The following ATP10B variants were observed in gnomAD, a reference collection of about 807,000 sequenced individuals.
ATP10B encodes phospholipid-transporting ATPase VB.
A neutral mutation model predicts 141.2 loss-of-function variants in ATP10B; 122 were observed. That is an observed-to-expected ratio of 0.86 (90% CI 0.75 to 1.00). The LOEUF (loss-of-function observed/expected upper bound fraction) is 1.00, where lower values mean the gene tolerates loss of function less well. Ranked by LOEUF, ATP10B falls within the 50% of genes least tolerant of loss-of-function variation. ATP10B has a pLI of 0.00. For synonymous variants in ATP10B, 685 were observed against 692.0 expected (o/e 0.99, Z 0.16); for missense variants, 1,876 against 1,825.3 (o/e 1.03, Z -0.51).
At chr5:160,650,149 T>C (rs1015613294) in intron 7 of ATP10B, among the ~76,000 whole-genome samples, 1,859 of 146,830 alleles carry the variant, frequency 0.013, 55 homozygotes, top group African/African-American at 0.046. Flanking sequence ...CACACACACA[T>C]ACATATATAT....
At chr5:160,828,590 C>G (rs1199607263) in intron 1 of ATP10B, among the ~76,000 whole-genome samples, 1 of 151,478 alleles carries the variant, frequency 6.6e-6, no homozygotes, top group Non-Finnish European at 1.5e-5. Flanking sequence ...GAAATAGGAA[C>G]ACTTTTACAC....
chr5:160,784,004 T>C (rs1770951222), intron 2 of ATP10B, among the ~76,000 whole-genome samples: 1 of 152,088 alleles, frequency 6.6e-6, no homozygotes, highest in African/African-American at 2.4e-5. Context: ...GGAACTGAAA[T>C]TGAGGAAAAT....
intron 7 of ATP10B, among the ~76,000 whole-genome samples, chr5:160,652,699 T>C (rs1760846511): frequency 7.8e-6 from 1 of 128,564 alleles, no homozygotes; most frequent in Non-Finnish European, 1.6e-5. Flanking sequence ...GTATAAATAA[T>C]ATATACATAT....
chr5:160,922,488 G>A, the ATP10B span, among the ~76,000 whole-genome samples: 6 of 152,188 alleles, frequency 3.9e-5, no homozygotes, highest in South Asian at 2.1e-4. Context: ...AGGCAGGTCC[G>A]AGGACACTCA....
At chr5:160,811,309 A>G (rs1773136630) in intron 1 of ATP10B, among the ~76,000 whole-genome samples, 1 of 152,140 alleles carries the variant, frequency 6.6e-6, no homozygotes, top group Non-Finnish European at 1.5e-5. Context: ...GGGGAAAGTA[A>G]TAGGACTTTA....
chr5:160,888,943 A>G, the ATP10B span, among the ~76,000 whole-genome samples: 3 of 152,230 alleles, frequency 2.0e-5, no homozygotes, highest in Non-Finnish European at 4.4e-5. Context: ...TCAATGCAGT[A>G]ACCTTTTGTC....
chr5:160,668,068 T>TA (rs1265359367), intron 7 of ATP10B, among the ~76,000 whole-genome samples: 1 of 151,908 alleles, frequency 6.6e-6, no homozygotes, highest in Non-Finnish European at 1.5e-5. Flanking sequence ...CTGTCTCTAC[T>TA]AAAAATACAA....
rs775089589 is a variant in ATP10B at position 160,569,624 on chromosome 5, G to T, written c.3810C>A (p.Leu1270=). The T allele has an allele frequency of 2.5e-6, 4 of 1,610,640 alleles. No homozygotes were observed. The highest frequency in any genetic ancestry group is 1.1e-5 in the South Asian group (1 of 90,362). The change falls in exon 25 of 26, where the codon CTC becomes CTA. Residue 1270 remains leucine (L), a synonymous_variant. Transcript: ENST00000327245. ...AGATGACGCAGGTGGCATTGTACAG[G>T]AGGGATACCAGAAAGTACATCAGGA... The part of the protein sequence containing the change: ...GSFLMYFLVS[L]LYNATCVICN...
intron 1 of ATP10B, among the ~76,000 whole-genome samples, chr5:160,829,599 G>T (rs974927580): frequency 1.3e-5 from 2 of 152,040 alleles, no homozygotes; most frequent in Admixed American, 6.6e-5. Context: ...CCATGAGTAC[G>T]TAACATTTTT....
chr5:160,664,526 A>T (rs1054521127), intron 7 of ATP10B, among the ~76,000 whole-genome samples: 2 of 152,330 alleles, frequency 1.3e-5, no homozygotes, highest in Admixed American at 1.3e-4. Context: ...GATACATATG[A>T]TTATTACGTT....
At chr5:160,912,596 CAAAG>C in the ATP10B span, among the ~76,000 whole-genome samples, 3 of 124,840 alleles carry the variant, frequency 2.4e-5, no homozygotes, top group African/African-American at 9.2e-5. Flanking sequence ...AAGCCACTGT[CAAAG>C]AAAAGAAAAG....
intron 7 of ATP10B, among the ~76,000 whole-genome samples, chr5:160,669,594 GAGCC>G (rs1205168453): frequency 6.7e-6 from 1 of 148,870 alleles, no homozygotes; most frequent in Non-Finnish European, 1.5e-5. Context: ...GACAGACTGA[GAGCC>G]AGTCTCTCTC....
intron 1 of ATP10B, among the ~76,000 whole-genome samples, chr5:160,806,441 A>G (rs987657643): frequency 2.6e-5 from 4 of 152,226 alleles, no homozygotes; most frequent in Non-Finnish European, 4.4e-5. Context: ...TTCATAAGAA[A>G]ACACACACAT....
At chr5:160,928,328 G>A in the ATP10B span, among the ~76,000 whole-genome samples, 2 of 152,162 alleles carry the variant, frequency 1.3e-5, no homozygotes, top group African/African-American at 2.4e-5. Flanking sequence ...GGGCCATTGA[G>A]GTCTGAGAGG....
intron 11 of ATP10B, among the ~76,000 whole-genome samples, chr5:160,635,701 A>G (rs1759314085): frequency 6.6e-6 from 1 of 152,120 alleles, no homozygotes; most frequent in African/African-American, 2.4e-5. Flanking sequence ...ACTGTCTCAC[A>G]TTTGTCTCAC....
At chr5:160,655,285 T>C (rs986213944) in intron 7 of ATP10B, among the ~76,000 whole-genome samples, 1 of 151,926 alleles carries the variant, frequency 6.6e-6, no homozygotes. Context: ...TTTAAGCATT[T>C]AAATTTTTTT....
intron 24 of ATP10B, among the ~76,000 whole-genome samples, chr5:160,583,454 G>C (rs1351658481): frequency 6.6e-6 from 1 of 152,238 alleles, no homozygotes; most frequent in Non-Finnish European, 1.5e-5. Context: ...CTTCATCCCA[G>C]AGGGGCACCC....
intron 6 of ATP10B, among the ~76,000 whole-genome samples, chr5:160,676,225 T>C (rs1012641891): frequency 6.6e-6 from 1 of 152,146 alleles, no homozygotes; most frequent in Non-Finnish European, 1.5e-5. Context: ...GAACTGCACA[T>C]AGAATGTCAC....
intron 2 of ATP10B, among the ~76,000 whole-genome samples, chr5:160,760,171 C>A (rs1376573766): frequency 4.6e-5 from 7 of 152,154 alleles, no homozygotes; most frequent in Non-Finnish European, 1.0e-4. Flanking sequence ...ACCTTGATAC[C>A]CTCAGAATAT....
Sources: allele counts gnomAD v4.1 joint callset (sites outside exome capture counted in the v4.1 genomes callset), GRCh38; gene constraint gnomAD v4.1.1; transcripts MANE v1.5; gene names NCBI Gene and HGNC (gene_info 2026-07-23, HGNC 2026-07-21).